NCKAP5: variants seen among roughly 807,000 people sequenced by gnomAD.
NCKAP5 encodes NCK associated protein 5, also known as nck-associated protein 5.
A neutral mutation model predicts 167.0 loss-of-function variants in NCKAP5; 92 were observed. The observed-to-expected ratio is 0.55, with a 90% CI of 0.47 to 0.66. The LOEUF is 0.66. NCKAP5 is among the 30% of genes least tolerant of loss of function. The probability of loss-of-function intolerance (pLI) is 0.00; values close to 1 mark genes in which losing one functional copy is unlikely to be tolerated. For missense variants in NCKAP5, 2,378 were observed against 2,315.0 expected, an observed-to-expected ratio of 1.03 and a Z score of -0.56; for synonymous variants, 891 against 877.4, an observed-to-expected ratio of 1.02 and a Z score of -0.27.
At chr2:132,768,348 C>G (rs1681701513) in intron 16 of NCKAP5, among the ~76,000 whole-genome samples, 1 of 152,066 alleles carries the variant, frequency 6.6e-6, no homozygotes, top group Non-Finnish European at 1.5e-5. Flanking sequence ...GCTGATGTTT[C>G]CAGTACAAGA....
the NCKAP5 span, among the ~76,000 whole-genome samples, chr2:133,627,603 G>A: frequency 5.3e-5 from 8 of 152,130 alleles, no homozygotes; most frequent in South Asian, 2.1e-4. Flanking sequence ...GCGAAACCCC[G>A]TCTCCACAAA....
intron 16 of NCKAP5, among the ~76,000 whole-genome samples, chr2:132,759,425 A>G (rs761794095): frequency 4.6e-5 from 7 of 152,088 alleles, no homozygotes; most frequent in Non-Finnish European, 5.9e-5. Context: ...AAACCAGTAC[A>G]CCTTTGTATG....
At position 133,123,586 on chromosome 2, in the gene NCKAP5, T is replaced by C. The variant is rs1393944549; in HGVS notation, c.341+6392A>G. ...AAGTCTCAGGCAGAAATATTGCTGA[T>C]GATGTGGAAATAGCAATTCCAAATC... On this transcript the variant is annotated intron_variant, in intron 6 of 19. Transcript: ENST00000409261. The C allele has an allele frequency of 1.1e-5, 3 of 273,918 alleles. No homozygotes were observed. In the South Asian group the frequency reaches 1.1e-4, roughly 10 times the overall value. 17.0% of individuals were successfully genotyped at this position (273,918 alleles called of 1,614,324 possible).
At chr2:133,633,783 C>T in the NCKAP5 span, among the ~76,000 whole-genome samples, 4 of 152,134 alleles carry the variant, frequency 2.6e-5, no homozygotes, top group Non-Finnish European at 5.9e-5. Context: ...GATTAGAAAA[C>T]TCATGTACTT....
At chr2:133,422,842 G>T (rs1195354315) in intron 3 of NCKAP5, among the ~76,000 whole-genome samples, 1 of 152,068 alleles carries the variant, frequency 6.6e-6, no homozygotes, top group Non-Finnish European at 1.5e-5. Flanking sequence ...TACCACCAAA[G>T]CATGGCTCTC....
At chr2:133,278,782 C>CAA (rs59725110) in intron 4 of NCKAP5, among the ~76,000 whole-genome samples, 15,303 of 93,822 alleles carry the variant, frequency 0.16, 986 homozygotes, top group Middle Eastern at 0.23. Flanking sequence ...CCCTAAACTA[C>CAA]AAAAAAAAAA....
chr2:133,185,051 A>T (rs1024120435), intron 5 of NCKAP5, among the ~76,000 whole-genome samples: 4 of 152,078 alleles, frequency 2.6e-5, no homozygotes, highest in Non-Finnish European at 5.9e-5. Context: ...ACTATCTACA[A>T]GAGTATTTGC....
At chr2:133,032,623 A>G (rs1340170252) in intron 6 of NCKAP5, among the ~76,000 whole-genome samples, 8 of 152,190 alleles carry the variant, frequency 5.3e-5, no homozygotes, top group African/African-American at 1.9e-4. Context: ...AAGATACAGG[A>G]AGTAGCCAGG....
At chr2:133,292,918 G>A (rs369588233) in intron 4 of NCKAP5, among the ~76,000 whole-genome samples, 151 of 152,130 alleles carry the variant, frequency 9.9e-4, no homozygotes, top group African/African-American at 3.2e-3. Flanking sequence ...TGAATTTCTC[G>A]TCATCCTCTG....
intron 3 of NCKAP5, among the ~76,000 whole-genome samples, chr2:133,473,325 C>A (rs1679530825): frequency 6.8e-6 from 1 of 146,206 alleles, no homozygotes; most frequent in Non-Finnish European, 1.5e-5. Context: ...GAGCGAGACT[C>A]CGTCTCAAAA....
At chr2:132,929,181 T>C (rs1025164752) in intron 8 of NCKAP5, among the ~76,000 whole-genome samples, 2 of 152,124 alleles carry the variant, frequency 1.3e-5, no homozygotes, top group African/African-American at 4.8e-5. Context: ...TGCCAGCACG[T>C]TGATTTTGGA....
intron 8 of NCKAP5, among the ~76,000 whole-genome samples, chr2:132,894,053 C>T (rs759385783): frequency 2.0e-4 from 30 of 152,090 alleles, no homozygotes; most frequent in Non-Finnish European, 3.7e-4. Context: ...GACACTGAGG[C>T]GGATGGAGCC....
chr2:133,055,359 T>C (rs1372258754), intron 6 of NCKAP5, among the ~76,000 whole-genome samples: 1 of 152,064 alleles, frequency 6.6e-6, no homozygotes, highest in African/African-American at 2.4e-5. Context: ...GTTCTAGTTT[T>C]AAATAACAAT....
intron 11 of NCKAP5, among the ~76,000 whole-genome samples, chr2:132,820,123 A>G (rs1686593899): frequency 6.6e-6 from 1 of 152,214 alleles, no homozygotes; most frequent in Non-Finnish European, 1.5e-5. Context: ...AAATCAGAGG[A>G]TGAAAGCTTT....
intron 3 of NCKAP5, among the ~76,000 whole-genome samples, chr2:133,341,709 C>A (rs1683596210): frequency 6.6e-6 from 1 of 152,166 alleles, no homozygotes; most frequent in Non-Finnish European, 1.5e-5. Flanking sequence ...CTTAACCATG[C>A]TAGATTATCC....
At chr2:132,878,015 G>C (rs1026898932) in intron 9 of NCKAP5, among the ~76,000 whole-genome samples, 5 of 152,172 alleles carry the variant, frequency 3.3e-5, no homozygotes, top group African/African-American at 1.2e-4. Flanking sequence ...CTAAAGAAGT[G>C]ATTTCATTTA....
Position 133,168,811 on chromosome 2 carries a change from C to A in NCKAP5, c.208-38700G>T, listed in dbSNP as rs576082102. ...ACATTTGTTCTTTATGTTAATGGCACAGATTTCAGAGCCAGGAGACTCAAA... is the reference window on the plus strand; with the variant it reads ...ACATTTGTTCTTTATGTTAATGGCAAAGATTTCAGAGCCAGGAGACTCAAA... On this transcript the variant is annotated intron_variant, in intron 5 of 19. Coordinates refer to ENST00000409261, the MANE Select transcript of NCKAP5 (RefSeq NM_207363.3). 3.3e-5 allele frequency among the ~76,000 whole-genome samples: 5 copies of A among 152,260 alleles called. No individual in the cohort carries two copies. The South Asian group carries it at 1.0e-3, about 32-fold the overall frequency.
intron 6 of NCKAP5, among the ~76,000 whole-genome samples, chr2:132,994,988 A>G (rs1021319684): frequency 1.3e-5 from 2 of 152,170 alleles, no homozygotes; most frequent in Non-Finnish European, 1.5e-5. Flanking sequence ...GAAAAATACC[A>G]TATAAAAGAC....
In NCKAP5 at chr2:132,795,820, G is replaced by GAAAAAA. The variant is rs55826486; in HGVS notation, c.909+802_909+807dup. The stretch of plus-strand genomic sequence containing the variant: ...GGCAACAGGATGAGACCCCGTATCA[G>GAAAAAA]AAAAAAAAAAAAAAAAAACAAAAAA... On this transcript the variant is annotated intron_variant, in intron 12 of 19. Transcript: ENST00000409261. 7.3e-4 allele frequency among the ~76,000 whole-genome samples: 62 copies of GAAAAAA among 84,946 alleles called. 1 individual carries two copies. The highest frequency in any genetic ancestry group is 1.3e-3 in the South Asian group (3 of 2,264). The allele number at this position is 84,946 out of a possible 152,430, so 55.7% of individuals were successfully genotyped here.
Sources: allele counts gnomAD v4.1 joint callset (sites outside exome capture counted in the v4.1 genomes callset), GRCh38; gene constraint gnomAD v4.1.1; transcripts MANE v1.5; gene names NCBI Gene and HGNC (gene_info 2026-07-23, HGNC 2026-07-21).